The following BMP1 variants were observed in gnomAD, a reference collection of about 807,000 sequenced individuals.
The protein encoded by BMP1 is bone morphogenetic protein 1, also known as mammalian tolloid protein.
In BMP1, 63 loss-of-function variants were observed where a neutral mutation model predicts 116.8. The ratio of observed to expected loss-of-function variants is 0.54; its 90% CI spans 0.44 to 0.67. BMP1 has a LOEUF of 0.67. BMP1 is among the 30% of genes least tolerant of loss of function. The pLI is 0.00. For missense variants in BMP1, 1,183 were observed against 1,358.9 expected (o/e 0.87, Z 2.04); for synonymous variants, 536 against 533.4 (o/e 1.00, Z -0.07).
chr8:22,201,662 C>A, intron 15 of BMP1, 141 bp from the exon 16 acceptor site: 1 of 1,429,576 alleles, frequency 7.0e-7, no homozygotes, highest in Non-Finnish European at 9.3e-7. Context: ...CTCCCACTCC[C>A]GGCCACCTGG....
At position 22,177,422 on chromosome 8, in the gene BMP1, T is replaced by C. The variant is rs531296020; in HGVS notation, c.730+283T>C. The C allele has an allele frequency of 2.9e-5, 19 of 659,898 alleles. No individual in the cohort carries two copies. In the South Asian group the frequency reaches 3.2e-4, roughly 11 times the overall value. The allele number at this position is 659,898 out of a possible 1,614,324, so 40.9% of individuals were successfully genotyped here. Reference sequence around the variant, plus strand: ...CAGCCTCTAGGGTGGGGCATGGGCATAGTGGGCCGTCCTGGGGACTGCTCA... The same window carrying C: ...CAGCCTCTAGGGTGGGGCATGGGCACAGTGGGCCGTCCTGGGGACTGCTCA... On this transcript the variant is annotated intron_variant, in intron 5 of 19. Transcript: ENST00000306385.
intron 1 of BMP1, 103 bp from the exon 2 acceptor site, chr8:22,173,498 TG>T: frequency 1.4e-6 from 1 of 692,806 alleles, no homozygotes; most frequent in Non-Finnish European, 2.4e-6. Flanking sequence ...ACAGTCGCTG[TG>T]GAGGTTGGGG....
intron 13 of BMP1, 77 bp downstream of exon 13, chr8:22,195,664 T>C: frequency 6.8e-7 from 1 of 1,459,904 alleles, no homozygotes; most frequent in Non-Finnish European, 9.3e-7. Flanking sequence ...TTTTTTTTTT[T>C]AGACAGGCTT....
chr8:22,176,229 C>CGTAGCCGGCGGG lies in BMP1; in HGVS notation c.350_361dup (p.Arg120_Ala121insGlySerArgArg). 1 of 1,614,014 alleles carries CGTAGCCGGCGGG rather than the reference C, an allele frequency of 6.2e-7. No individual in the cohort carries two copies. Among genetic ancestry groups the CGTAGCCGGCGGG allele is most frequent in the Non-Finnish European group, 8.5e-7 (1 of 1,179,968 alleles). ...CTGTGGGAGATGGAGAGGTAGATCC[C>CGTAGCCGGCGGG]GTAGCCGGCGGGCGGCGACGTCCCG... On this transcript the variant is annotated inframe_insertion, in exon 3 of 20. Transcript: ENST00000306385.
At chr8:22,184,818 A>C (rs1310874212) in intron 8 of BMP1, among the ~76,000 whole-genome samples, 1 of 152,228 alleles carries the variant, frequency 6.6e-6, no homozygotes, top group African/African-American at 2.4e-5. Context: ...TGGTTCTAGG[A>C]CTTTCTGACT....
rs571559096 is a variant in BMP1, at chr8:22,171,910, C to T, written c.149-1692C>T. Among the ~76,000 whole-genome samples the T allele has an allele frequency of 6.6e-5, 10 of 152,310 alleles. No homozygotes were observed. The South Asian group carries it at 1.2e-3, about 19-fold the overall frequency. ...CATTCGAACATCCCGGAGTGCCTCC[C>T]GCCTGAAAGTGCAGTGCTGGCTGCT... is the stretch of plus-strand genomic sequence containing the variant. On this transcript the variant is annotated intron_variant, in intron 1 of 19. Coordinates refer to ENST00000306385, the MANE Select transcript of BMP1 (RefSeq NM_006129.5).
At chr8:22,183,914 G>A (rs771398920) in intron 8 of BMP1, among the ~76,000 whole-genome samples, 15 of 152,100 alleles carry the variant, frequency 9.9e-5, no homozygotes, top group Non-Finnish European at 1.6e-4. Context: ...CAACATTATC[G>A]TACAGCAACA....
Position 22,211,731 on chromosome 8 carries a change from A to G in BMP1, c.*3A>G. On this transcript the variant is annotated 3_prime_UTR_variant, in exon 20 of 20. Transcript: ENST00000306385. ...ACACACTCCACAGCAGGAAGTGACC[A>G]CTGCCTGAGCAGGGGCGGGGACTGG... The G allele has an allele frequency of 1.9e-6, 3 of 1,613,974 alleles. No homozygotes were observed. The highest frequency in any genetic ancestry group is 2.5e-6 in the Non-Finnish European group (3 of 1,179,962).
At chr8:22,191,331 C>T (rs558743385) in intron 8 of BMP1, among the ~76,000 whole-genome samples, 16 of 152,324 alleles carry the variant, frequency 1.1e-4, no homozygotes, top group African/African-American at 3.1e-4. Flanking sequence ...AGCTTTCTCA[C>T]GCGTATGTCT....
rs762071697 is a variant in BMP1 at position 22,194,803 on chromosome 8, G to A, written c.1523G>A (p.Arg508His). 20 of 1,614,026 alleles carry A rather than the reference G, an allele frequency of 1.2e-5. No individual in the cohort carries two copies. The Admixed American group carries it at 1.3e-4, about 11-fold the overall frequency. The change falls in exon 12 of 20, where the codon CGC becomes CAC. Residue 508 changes from arginine to histidine, a missense_variant. By Grantham distance (29) the Arg-to-His change is conservative. Transcript: ENST00000306385. This position sits in a 1 kb window ranked among gnomAD's most constrained non-coding sequence, Gnocchi z 4.5. The part of the protein sequence containing the change: ...GHSESSTLIG[R>H]YCGYEKPDDI... The stretch of plus-strand genomic sequence containing the variant: ...AGTGAGAGCAGCACCCTCATCGGGC[G>A]CTACTGTGGCTATGAGAAGCCTGAT...
chr8:22,192,833 C>T (rs376503996), intron 9 of BMP1, among the ~76,000 whole-genome samples: 2 of 152,188 alleles, frequency 1.3e-5, no homozygotes, highest in African/African-American at 2.4e-5. Context: ...GTGTGAATCT[C>T]CTCCTAGCTG....
At chr8:22,170,747 G>A (rs1828253699) in intron 1 of BMP1, 1 of 152,054 alleles carries the variant, frequency 6.6e-6, no homozygotes. Flanking sequence ...CTGTGGTCAG[G>A]AGTTCAAGAA....
intron 15 of BMP1, chr8:22,199,225 A>G (rs1191544574): frequency 4.4e-6 from 6 of 1,367,526 alleles, no homozygotes. Context: ...ATCGAGGCTC[A>G]GCCCTCAGGG....
At chr8:22,189,048 A>G (rs976355099) in intron 8 of BMP1, among the ~76,000 whole-genome samples, 4 of 152,234 alleles carry the variant, frequency 2.6e-5, no homozygotes, top group Admixed American at 2.6e-4. Context: ...TACAAATAAC[A>G]TATGCACACA....
chr8:22,186,921 A>T (rs896241438), intron 8 of BMP1, among the ~76,000 whole-genome samples: 5 of 152,252 alleles, frequency 3.3e-5, no homozygotes, highest in African/African-American at 1.2e-4. Context: ...TCCCTGGAGT[A>T]GTACCTATCA....
In BMP1 at chr8:22,176,177, C is replaced by G; in HGVS notation, c.297C>G (p.Ser99Arg). 1 of 1,614,152 alleles carries G rather than the reference C, an allele frequency of 6.2e-7. No homozygotes were observed. Among genetic ancestry groups the G allele is most frequent in the African/African-American group, 1.3e-5 (1 of 75,062 alleles). The change falls in exon 3 of 20, where the codon AGC becomes AGG. Residue 99 changes from serine to arginine, a missense_variant. Physicochemically the swap from Ser to Arg is moderately radical, Grantham distance 110. This residue lies in a region of BMP1 where 185 missense variants were observed against 158.9 expected (regional missense o/e 1.16). Coordinates refer to ENST00000306385, the MANE Select transcript of BMP1 (RefSeq NM_006129.5). ...PGNTSTPSCQ[S>R]TNGQPQRGAC... The stretch of plus-strand genomic sequence containing the variant: ...ACACTTCTACCCCCAGCTGCCAGAG[C>G]ACCAACGGGCAGCCTCAGAGGGGAG...
chr8:22,191,927 C>T (rs1002704397), intron 8 of BMP1, 122 bp from the exon 9 acceptor site: 2 of 776,512 alleles, frequency 2.6e-6, no homozygotes, highest in African/African-American at 1.7e-5. Context: ...TTTTGGGAGC[C>T]CCTTAACTCT....
At chr8:22,199,141 G>A (rs771597321) in intron 15 of BMP1, 14 of 1,367,224 alleles carry the variant, frequency 1.0e-5, no homozygotes, top group South Asian at 3.4e-5. Context: ...AGACACACAC[G>A]CCCACACGCA....
At chr8:22,169,799 G>T (rs1563235991) in intron 1 of BMP1, 1 of 152,202 alleles carries the variant, frequency 6.6e-6, no homozygotes, top group African/African-American at 2.4e-5. Flanking sequence ...GTGGAGTCCA[G>T]AGGTTGACCT....
Sources: allele counts gnomAD v4.1 joint callset (sites outside exome capture counted in the v4.1 genomes callset), GRCh38; gene constraint gnomAD v4.1.1; regional missense constraint gnomAD v4.1.1; non-coding constraint Gnocchi (gnomAD v3.1); transcripts MANE v1.5; gene names NCBI Gene and HGNC (gene_info 2026-07-23, HGNC 2026-07-21).